CCR6: variants seen among roughly 807,000 people sequenced by gnomAD.
The protein encoded by CCR6 is C-C motif chemokine receptor 6, also known as C-C chemokine receptor type 6.
A neutral mutation model predicts 3.0 loss-of-function variants in CCR6; 2 were observed. The ratio of observed to expected loss-of-function variants is 0.66; its 90% CI spans 0.27 to 2.07. The LOEUF is 2.07. Ranked by LOEUF, CCR6 falls within the 30% of genes most tolerant of loss-of-function variation. The pLI is 0.14. For synonymous variants in CCR6, 193 were observed against 184.3 expected (o/e 1.05, Z -0.38); for missense variants, 322 against 462.8 (o/e 0.70, Z 2.79).
chr6:167,124,710 G>A (rs1289980648), intron 1 of CCR6, among the ~76,000 whole-genome samples: 1 of 152,018 alleles, frequency 6.6e-6, no homozygotes, highest in Non-Finnish European at 1.5e-5. Context: ...ACCTTAAAGG[G>A]TTTTGTGAGG....
At chr6:167,121,355 C>CTT (rs1401163707), upstream of CCR6, 1 of 152,368 alleles carries the variant, frequency 6.6e-6, no homozygotes, top group African/African-American at 2.4e-5. Context: ...CGTTTTCTTT[C>CTT]TTTTCTTTCC....
Position 167,134,173 on chromosome 6 carries a change from G to A in CCR6, c.-97-1865G>A, listed in dbSNP as rs141352710. On this transcript the variant is annotated intron_variant, in intron 1 of 2. Coordinates refer to ENST00000341935, the MANE Select transcript of CCR6 (RefSeq NM_031409.4). ...GGTCTGAAAATGGTTGTTACATTTT[G>A]TAGGTTTTTCTAGTTGTTTAATGCA... Among the ~76,000 whole-genome samples the A allele has an allele frequency of 7.5e-3, 1,138 of 152,088 alleles. 18 individuals carry two copies. Among genetic ancestry groups the A allele is most frequent in the African/African-American group, 0.026 (1,088 of 41,446 alleles).
intron 1 of CCR6, among the ~76,000 whole-genome samples, chr6:167,128,083 C>T (rs1384343711): frequency 6.6e-6 from 1 of 152,236 alleles, no homozygotes; most frequent in African/African-American, 2.4e-5. Context: ...TCTCCCGTCT[C>T]CAGGGAGAAG....
rs1472193325 is a variant in CCR6 at position 167,133,944 on chromosome 6, A to G, written c.-97-2094A>G. ...ATGATATATGTGTGTATATATATAT[A>G]TATATATATATATATATATATATAT... On this transcript the variant is annotated intron_variant, in intron 1 of 2. Transcript: ENST00000341935. 1.7e-3 allele frequency among the ~76,000 whole-genome samples: 73 copies of G among 42,778 alleles called. 3 individuals are homozygous for G. The highest frequency in any genetic ancestry group is 0.017 in the Middle Eastern group (1 of 58). 28.1% of individuals were successfully genotyped at this position (42,778 alleles called of 152,430 possible). A position where few individuals can be genotyped will look rare whatever the true frequency, so the allele number is the denominator to read the frequency against.
Position 167,137,246 on chromosome 6 carries a change from G to A in CCR6, c.1016G>A (p.Arg339Lys), listed in dbSNP as rs1781863363. ...TTGAAGGACCTGTGGTGTGTGAGAA[G>A]GAAGTACAAGTCCTCAGGCTTCTCC... The part of the protein sequence containing the change: ...KILKDLWCVR[R>K]KYKSSGFSCA... Residue 339 changes from arginine to lysine, a missense_variant, in exon 3 of 3, where the codon AGG becomes AAG. By Grantham distance (26) the Arg-to-Lys change is conservative. Transcript: ENST00000341935. The surrounding 1 kb of genome is among the most constrained non-coding windows in gnomAD (Gnocchi z 4.6). The A allele has an allele frequency of 6.2e-7, 1 of 1,614,164 alleles. No individual in the cohort carries two copies. The highest frequency in any genetic ancestry group is 8.5e-7 in the Non-Finnish European group (1 of 1,180,024).
chr6:167,133,932 G>GTGTCTATATATATATATA, intron 1 of CCR6, among the ~76,000 whole-genome samples: 1 of 110,340 alleles, frequency 9.1e-6, no homozygotes, highest in Non-Finnish European at 1.7e-5. Flanking sequence ...ATATATGTGT[G>GTGTCTATATATATATATA]TATATATATA....
intron 1 of CCR6, among the ~76,000 whole-genome samples, chr6:167,133,928 GTGTGTA>G (rs1168491484): frequency 4.9e-5 from 2 of 40,546 alleles, no homozygotes; most frequent in African/African-American, 2.5e-4. Flanking sequence ...TATGATATAT[GTGTGTA>G]TATATATATA....
In CCR6 at chr6:167,137,280, G is replaced by A. The variant is rs762816359; in HGVS notation, c.1050G>A (p.Gly350=). The A allele has an allele frequency of 6.2e-7, 1 of 1,614,168 alleles. No homozygotes were observed. Among genetic ancestry groups the A allele is most frequent in the Admixed American group, 1.7e-5 (1 of 60,022 alleles). Residue 350 remains glycine, a synonymous_variant, in exon 3 of 3, where the codon GGG becomes GGA. Transcript: ENST00000341935. This position sits in a 1 kb window ranked among gnomAD's most constrained non-coding sequence, Gnocchi z 4.6. ...KYKSSGFSCA[G]RYSENISRQT... is the part of the protein sequence containing the mutation. ...AGTCCTCAGGCTTCTCCTGTGCCGG[G>A]AGGTACTCAGAAAACATTTCTCGGC...
intron 1 of CCR6, chr6:167,131,099 C>T (rs1242105790): frequency 6.6e-6 from 1 of 152,264 alleles, no homozygotes; most frequent in Non-Finnish European, 1.5e-5. Context: ...CACAGGCGCC[C>T]CAGTGCTGGC....
intron 1 of CCR6, among the ~76,000 whole-genome samples, chr6:167,112,414 C>T (rs1329368098): frequency 6.6e-6 from 1 of 152,186 alleles, no homozygotes; most frequent in Non-Finnish European, 1.5e-5. Flanking sequence ...TCCATACCAT[C>T]TGCAAGTCGC....
chr6:167,127,276 GA>G (rs909743038), intron 1 of CCR6: 1 of 151,976 alleles, frequency 6.6e-6, no homozygotes, highest in African/African-American at 2.4e-5. Flanking sequence ...TGTTTCCAAA[GA>G]ACAGGAACTG....
intron 1 of CCR6, among the ~76,000 whole-genome samples, chr6:167,132,197 T>C (rs769010840): frequency 6.6e-6 from 1 of 152,232 alleles, no homozygotes; most frequent in Non-Finnish European, 1.5e-5. Context: ...TGCTGTTGCA[T>C]GGATACACTT....
upstream of CCR6, among the ~76,000 whole-genome samples, chr6:167,120,352 A>AG (rs1749939160): frequency 6.6e-6 from 1 of 152,216 alleles, no homozygotes; most frequent in African/African-American, 2.4e-5. Context: ...GTGTTACTTT[A>AG]GGGGTTAACA....
Position 167,136,322 on chromosome 6 carries a change from C to T in CCR6, c.92C>T (p.Ser31Phe). The T allele has an allele frequency of 6.2e-7, 1 of 1,613,942 alleles. No homozygotes were observed. The highest frequency in any genetic ancestry group is 1.7e-5 in the Admixed American group (1 of 59,976). Residue 31 changes from serine to phenylalanine, a missense_variant, in exon 3 of 3, where the codon TCT (serine) becomes TTT (phenylalanine). Physicochemically the swap from Ser to Phe is radical, Grantham distance 155. Coordinates refer to ENST00000341935, the MANE Select transcript of CCR6 (RefSeq NM_031409.4). This position sits in a 1 kb window ranked among gnomAD's most constrained non-coding sequence, Gnocchi z 4.6. ...SVNTSYYSVD[S>F]EMLLCSLQEV... is the part of the protein sequence containing the mutation. ...AATACTTCATATTACTCAGTTGATTCTGAGATGTTACTGTGCTCCTTGCAG... is the reference window on the plus strand; with the variant it reads ...AATACTTCATATTACTCAGTTGATTTTGAGATGTTACTGTGCTCCTTGCAG...
chr6:167,127,660 A>G (rs1291715912), intron 1 of CCR6, among the ~76,000 whole-genome samples: 2 of 152,154 alleles, frequency 1.3e-5, no homozygotes, highest in African/African-American at 2.4e-5. Context: ...AACTTTACTA[A>G]TGATTCAATA....
intron 1 of CCR6, among the ~76,000 whole-genome samples, chr6:167,117,469 C>T (rs375267455): frequency 9.8e-4 from 134 of 137,264 alleles, no homozygotes; most frequent in African/African-American, 1.6e-3. Flanking sequence ...CAGGCTGGAG[C>T]GCAGTGGCAC....
At chr6:167,124,720 G>T (rs41359952) in intron 1 of CCR6, among the ~76,000 whole-genome samples, 2,175 of 152,126 alleles carry the variant, frequency 0.014, 40 homozygotes, top group African/African-American at 0.05. Context: ...GTTTTGTGAG[G>T]TTAAAAGAGA....
rs184380506 is a variant in CCR6, at chr6:167,117,624, C to T, written c.-98+5610C>T. Among the ~76,000 whole-genome samples, 1,349 of 151,598 alleles carry T rather than the reference C, an allele frequency of 8.9e-3. 7 individuals are homozygous for T. The highest frequency in any genetic ancestry group is 0.013 in the Non-Finnish European group (894 of 67,884). Reference sequence around the variant, plus strand: ...TAGAGATGGGGTTTCACCGTGTCAGCCAGGATGGTCTCGATCTCCTGACCT... The same window carrying T: ...TAGAGATGGGGTTTCACCGTGTCAGTCAGGATGGTCTCGATCTCCTGACCT... On this transcript the variant is annotated intron_variant, in intron 1 of 2. Transcript: ENST00000400926.
rs776690220 is a variant in CCR6, at chr6:167,123,173, T to C, written c.-148T>C. ...ACATTGGTGAGCTGGAGTCATCAGATTGTGGGGCCCGGAGTGAGGCTGAAG... is the reference window on the plus strand; with the variant it reads ...ACATTGGTGAGCTGGAGTCATCAGACTGTGGGGCCCGGAGTGAGGCTGAAG... On this transcript the variant is annotated 5_prime_UTR_variant, in exon 1 of 3. Coordinates refer to ENST00000341935, the MANE Select transcript of CCR6 (RefSeq NM_031409.4). 4 of 152,742 alleles carry C rather than the reference T, an allele frequency of 2.6e-5. No homozygotes were observed. Among genetic ancestry groups the C allele is most frequent in the African/African-American group, 7.2e-5 (3 of 41,442 alleles). The allele number at this position is 152,742 out of a possible 1,614,324, so 9.5% of individuals were successfully genotyped here.
Sources: gnomAD v4.1 joint callset for allele counts (sites outside exome capture counted in the v4.1 genomes callset) on GRCh38, gnomAD v4.1.1 for gene constraint, Gnocchi (gnomAD v3.1) non-coding constraint, MANE v1.5 for transcripts, NCBI Gene and HGNC (gene_info 2026-07-23, HGNC 2026-07-21) for gene names.